Variants in POC1B observed in about 807,000 individuals in gnomAD.
POC1B encodes POC1 centriolar protein B.
Under a neutral mutation model 60.6 loss-of-function variants are expected in POC1B, and 44 were observed. The ratio of observed to expected loss-of-function variants is 0.73; its 90% CI spans 0.57 to 0.93. POC1B has a LOEUF of 0.93. Among genes scored for constraint, POC1B ranks in the 40% least tolerant of loss-of-function variants. POC1B has a pLI of 0.00. For missense variants in POC1B, 555 were observed against 572.3 expected, an observed-to-expected ratio of 0.97 and a Z score of 0.31; for synonymous variants, 180 against 198.9, an observed-to-expected ratio of 0.90 and a Z score of 0.80.
At chr12:89,441,081 T>C (rs1881493111) in intron 10 of POC1B, among the ~76,000 whole-genome samples, 1 of 152,204 alleles carries the variant, frequency 6.6e-6, no homozygotes, top group Non-Finnish European at 1.5e-5. Context: ...GCGTCTGCCA[T>C]TGCTGAGGCT....
downstream of POC1B, among the ~76,000 whole-genome samples, chr12:89,418,846 A>G (rs1344731107): frequency 6.6e-6 from 1 of 152,078 alleles, no homozygotes; most frequent in Non-Finnish European, 1.5e-5. Flanking sequence ...TGAGCCAAAT[A>G]CACCTCTTTT....
At chr12:89,425,694 A>G (rs1358777400) in intron 10 of POC1B, 3 of 184,528 alleles carry the variant, frequency 1.6e-5, no homozygotes, top group African/African-American at 7.1e-5. Flanking sequence ...TAATTTAAAA[A>G]CAATATTCAC....
chr12:89,480,475 C>T (rs373548206), intron 4 of POC1B, among the ~76,000 whole-genome samples: 3 of 150,916 alleles, frequency 2.0e-5, no homozygotes, highest in East Asian at 1.9e-4. Context: ...GTCTGGAGTA[C>T]GGTGGCATGA....
chr12:89,454,208 AT>A (rs1882165116), intron 10 of POC1B, among the ~76,000 whole-genome samples: 2 of 152,286 alleles, frequency 1.3e-5, no homozygotes, highest in African/African-American at 2.4e-5. Context: ...CTATCCTGAG[AT>A]TACTCAAGGC....
chr12:89,444,429 T>G (rs1439559899), intron 10 of POC1B, among the ~76,000 whole-genome samples: 2 of 152,278 alleles, frequency 1.3e-5, no homozygotes, highest in East Asian at 3.9e-4. Flanking sequence ...GCTTCATCCC[T>G]CAGATGGAAG....
intron 4 of POC1B, among the ~76,000 whole-genome samples, chr12:89,476,337 T>G (rs1443304679): frequency 6.6e-6 from 1 of 152,196 alleles, no homozygotes; most frequent in Non-Finnish European, 1.5e-5. Flanking sequence ...ATGTAAAAAT[T>G]TTATGTCTAT....
At chr12:89,490,105 C>G (rs1366206557) in intron 4 of POC1B, among the ~76,000 whole-genome samples, 1 of 152,056 alleles carries the variant, frequency 6.6e-6, no homozygotes, top group Non-Finnish European at 1.5e-5. Context: ...CCCCCAGACA[C>G]TACAAAGAGA....
intron 10 of POC1B, among the ~76,000 whole-genome samples, chr12:89,434,695 C>T (rs553415560): frequency 1.3e-5 from 2 of 152,340 alleles, no homozygotes; most frequent in South Asian, 4.1e-4. Flanking sequence ...GTAGCCATTA[C>T]TTCTTTTGTG....
At chr12:89,452,960 G>A (rs1882114390) in intron 10 of POC1B, among the ~76,000 whole-genome samples, 1 of 152,016 alleles carries the variant, frequency 6.6e-6, no homozygotes, top group Admixed American at 6.6e-5. Flanking sequence ...TCAAAAGCAA[G>A]GATCCAACTA....
chr12:89,507,093 A>C (rs117891749), intron 2 of POC1B, among the ~76,000 whole-genome samples: 1,606 of 151,720 alleles, frequency 0.011, 14 homozygotes, highest in Non-Finnish European at 0.016. Flanking sequence ...AACGTCTCGA[A>C]ACCCCGTCTC....
chr12:89,416,731 C>A (rs1880372825), downstream of POC1B, among the ~76,000 whole-genome samples: 1 of 152,112 alleles, frequency 6.6e-6, no homozygotes, highest in Non-Finnish European at 1.5e-5. Flanking sequence ...AGCCAGAGAC[C>A]TAATTTAGTT....
chr12:89,431,995 C>A (rs1376026138), intron 10 of POC1B, among the ~76,000 whole-genome samples: 1 of 152,128 alleles, frequency 6.6e-6, no homozygotes, highest in Non-Finnish European at 1.5e-5. Flanking sequence ...ATTGTTATAT[C>A]TTCTCTAATT....
rs973593997 is a variant in POC1B, at chr12:89,500,205, T to C, written c.101-2863A>G. ...CAAGGCCAGAATGTTCTGGAAATCTTACAAGACTGTTTTGAAGAAAAAAGT... is the reference window on the plus strand; with the variant it reads ...CAAGGCCAGAATGTTCTGGAAATCTCACAAGACTGTTTTGAAGAAAAAAGT... On this transcript the variant is annotated intron_variant, in intron 2 of 11. Coordinates refer to ENST00000313546, the MANE Select transcript of POC1B (RefSeq NM_172240.3). 6.3e-6 allele frequency: 10 copies of C among 1,597,622 alleles called. No individual in the cohort carries two copies. The African/African-American group carries it at 1.3e-4, about 21-fold the overall frequency.
chr12:89,477,928 A>C (rs979900758), intron 4 of POC1B, among the ~76,000 whole-genome samples: 2 of 151,892 alleles, frequency 1.3e-5, no homozygotes, highest in African/African-American at 4.8e-5. Context: ...ACTGCCCCCT[A>C]GTCTTTACCT....
intron 10 of POC1B, among the ~76,000 whole-genome samples, chr12:89,432,740 G>A (rs1366067266): frequency 6.6e-6 from 1 of 152,188 alleles, no homozygotes; most frequent in African/African-American, 2.4e-5. Context: ...ATGTTTGAGA[G>A]GCCTATCAGA....
intron 9 of POC1B, among the ~76,000 whole-genome samples, chr12:89,462,320 T>G (rs1882511771): frequency 6.6e-6 from 1 of 152,172 alleles, no homozygotes; most frequent in African/African-American, 2.4e-5. Context: ...ATGTTAATAA[T>G]TAGAGCTGCC....
chr12:89,429,874 C>T (rs563833505), intron 10 of POC1B, among the ~76,000 whole-genome samples: 1 of 152,298 alleles, frequency 6.6e-6, no homozygotes, highest in Admixed American at 6.5e-5. Flanking sequence ...CTATTGCTAA[C>T]ATTGTGTGAT....
chr12:89,490,431 G>A (rs552386115), intron 4 of POC1B, among the ~76,000 whole-genome samples: 1 of 152,152 alleles, frequency 6.6e-6, no homozygotes, highest in African/African-American at 2.4e-5. Flanking sequence ...TGCACCCTCT[G>A]CCTCCTGGAT....
At chr12:89,440,713 G>A (rs1472830747) in intron 10 of POC1B, among the ~76,000 whole-genome samples, 1 of 152,230 alleles carries the variant, frequency 6.6e-6, no homozygotes, top group Non-Finnish European at 1.5e-5. Context: ...GAGCAACGCA[G>A]AAGACGGGTG....
Sources: allele counts gnomAD v4.1 joint callset (sites outside exome capture counted in the v4.1 genomes callset), GRCh38; gene constraint gnomAD v4.1.1; transcripts MANE v1.5; gene names NCBI Gene and HGNC (gene_info 2026-07-23, HGNC 2026-07-21).